Variants in SGO1 observed in about 807,000 individuals in gnomAD.
The protein encoded by SGO1 is shugoshin 1.
Under a neutral mutation model 50.5 loss-of-function variants are expected in SGO1, and 39 were observed. That is an observed-to-expected ratio of 0.77 (90% confidence interval 0.60 to 1.01). The LOEUF is 1.01. SGO1 is among the 50% of genes least tolerant of loss of function. SGO1 has a pLI of 0.00. For synonymous variants in SGO1, 191 were observed against 205.1 expected (o/e 0.93, Z 0.59); for missense variants, 638 against 606.0 (o/e 1.05, Z -0.55).
rs1474920471 is a variant in SGO1 at position 20,174,675 on chromosome 3, C to G, written c.856G>C (p.Asp286His). Residue 286 changes from aspartate to histidine, a missense_variant, in exon 6 of 8, where the codon GAT becomes CAT. By Grantham distance (81) the Asp-to-His change is moderately conservative. Transcript: ENST00000412997. ...KSEQTKSKQR[D>H]TQERKREEKR... Reference sequence around the variant, plus strand: ...TCTTCTCTTTTTCTTTCTTGTGTATCTCTTTGCTTACTTTTAGTTTGTTCA... The same window carrying G: ...TCTTCTCTTTTTCTTTCTTGTGTATGTCTTTGCTTACTTTTAGTTTGTTCA... 1.2e-6 allele frequency: 2 copies of G among 1,609,962 alleles called. No individual in the cohort carries two copies. Among genetic ancestry groups the G allele is most frequent in the African/African-American group, 1.3e-5 (1 of 74,500 alleles).
intron 3 of SGO1, among the ~76,000 whole-genome samples, chr3:20,181,438 G>A (rs1176012455): frequency 6.6e-6 from 1 of 152,180 alleles, no homozygotes; most frequent in Non-Finnish European, 1.5e-5. Flanking sequence ...GATAAGCACT[G>A]AAGCACGGGT....
In SGO1 at chr3:20,170,798, TC is replaced by T; in HGVS notation, c.1489del (p.Asp497ThrfsTer9). On this transcript the variant is annotated frameshift_variant, in exon 8 of 8. Transcript: ENST00000412997. LOFTEE classifies it high-confidence loss of function. ...CAAAAAACACAAATCTGTAAAAGGG[TC>T]CCCTCTTCTCAGTTTCCTGTAAGAG... ...PTLASKLRRGDPFTDLCFLNS... is the reference protein window; with the variant it reads ...PTLASKLRRGXPFTDLCFLNS... 1 of 1,593,732 alleles carries T rather than the reference TC, an allele frequency of 6.3e-7. No individual in the cohort carries two copies. The highest frequency in any genetic ancestry group is 1.4e-5 in the African/African-American group (1 of 73,380).
intron 4 of SGO1, 55 bp from the exon 5 acceptor site, chr3:20,176,714 T>C (rs1405923006): frequency 6.0e-6 from 7 of 1,158,880 alleles, no homozygotes; most frequent in Non-Finnish European, 8.6e-6. Context: ...TAAAAACAAA[T>C]TCAGTATTTT....
At chr3:20,164,082 G>C (rs942417303) in intron 8 of SGO1, among the ~76,000 whole-genome samples, 3 of 152,118 alleles carry the variant, frequency 2.0e-5, no homozygotes, top group African/African-American at 7.2e-5. Context: ...CCTTTTATGA[G>C]GCTGGTATTA....
At chr3:20,183,456 G>T in intron 3 of SGO1, 152 bp downstream of exon 3, 1 of 617,610 alleles carries the variant, frequency 1.6e-6, no homozygotes, top group Non-Finnish European at 2.6e-6. Context: ...ATGGCCAAAT[G>T]CAATAGCTAT....
At chr3:20,182,951 G>A (rs546574041) in intron 3 of SGO1, among the ~76,000 whole-genome samples, 15 of 152,142 alleles carry the variant, frequency 9.9e-5, no homozygotes, top group African/African-American at 3.4e-4. Flanking sequence ...CCAGGAGGCC[G>A]AGCTTGCAGT....
chr3:20,184,760 T>A lies in SGO1; in HGVS notation c.-7-726A>T, dbSNP rs75888568. On this transcript the variant is annotated intron_variant, in intron 1 of 7. Coordinates refer to ENST00000412997, the MANE Select transcript of SGO1 (RefSeq NM_001199251.3). Reference sequence around the variant, plus strand: ...AATTATGAACATAACAAATCAGACATTAAATATTGTTGTACATACAGTTAA... The same window carrying A: ...AATTATGAACATAACAAATCAGACAATAAATATTGTTGTACATACAGTTAA... Among the ~76,000 whole-genome samples, 4 of 152,288 alleles carry A rather than the reference T, an allele frequency of 2.6e-5. No individual in the cohort carries two copies. In the East Asian group the frequency reaches 7.7e-4, roughly 29 times the overall value.
At chr3:20,180,491 G>A (rs1315505187) in intron 3 of SGO1, among the ~76,000 whole-genome samples, 2 of 152,164 alleles carry the variant, frequency 1.3e-5, no homozygotes, top group Non-Finnish European at 2.9e-5. Context: ...TGATCCAGTG[G>A]AGAGGGGGAT....
chr3:20,174,216 T>C, intron 6 of SGO1, 33 bp downstream of exon 6: 1 of 1,518,762 alleles, frequency 6.6e-7, no homozygotes, highest in Non-Finnish European at 9.1e-7. Flanking sequence ...ATCACGAACA[T>C]TAAAAATACA....
Position 20,170,583 on chromosome 3 carries a change from G to C in SGO1, c.*121C>G, listed in dbSNP as rs1040712084. 1 of 1,354,240 alleles carries C rather than the reference G, an allele frequency of 7.4e-7. No individual in the cohort carries two copies. Among genetic ancestry groups the C allele is most frequent in the Middle Eastern group, 2.7e-4 (1 of 3,662 alleles). 83.9% of individuals were successfully genotyped at this position (1,354,240 alleles called of 1,614,324 possible). A position where few individuals can be genotyped will look rare whatever the true frequency, so the allele number is the denominator to read the frequency against. ...GTTCTGAAGAAATGTTTATGAGCTA[G>C]GGTCCTGTCAAGAGAATATTCTATG... On this transcript the variant is annotated 3_prime_UTR_variant, in exon 8 of 8. Transcript: ENST00000412997.
intron 8 of SGO1, among the ~76,000 whole-genome samples, chr3:20,163,562 T>C (rs1378238563): frequency 6.6e-6 from 1 of 152,218 alleles, no homozygotes; most frequent in Non-Finnish European, 1.5e-5. Flanking sequence ...TAAATGGAAA[T>C]ATAGTACTAC....
intron 5 of SGO1, among the ~76,000 whole-genome samples, chr3:20,175,681 C>T (rs1701304444): frequency 1.3e-5 from 2 of 151,802 alleles, no homozygotes; most frequent in Non-Finnish European, 2.9e-5. Flanking sequence ...TGCCTGTAGT[C>T]CCAACTACTC....
In SGO1 at chr3:20,186,203, A is replaced by T. The variant is rs145702873; in HGVS notation, c.-263T>A. The stretch of plus-strand genomic sequence containing the variant: ...CGTCGCCTGGAACTACCGCCGCCAC[A>T]TTCGAAATTTTCCGCCTCGCTCCTC... On this transcript the variant is annotated 5_prime_UTR_variant, in exon 1 of 8. It removes an upstream start codon present in the reference 5' UTR. Transcript: ENST00000412997. The T allele has an allele frequency of 1.3e-5, 2 of 152,540 alleles. No homozygotes were observed. The highest frequency in any genetic ancestry group is 2.9e-5 in the Non-Finnish European group (2 of 68,220). 9.4% of individuals were successfully genotyped at this position (152,540 alleles called of 1,614,324 possible).
At chr3:20,170,924 A>C (rs936301027) in intron 7 of SGO1, 109 bp from the exon 8 acceptor site, 20 of 1,477,158 alleles carry the variant, frequency 1.4e-5, no homozygotes, top group Non-Finnish European at 1.8e-5. Flanking sequence ...TTCTCACTTC[A>C]GTTTTTTTAA....
chr3:20,167,459 G>C (rs1357437603), downstream of SGO1, among the ~76,000 whole-genome samples: 1 of 152,158 alleles, frequency 6.6e-6, no homozygotes, highest in East Asian at 1.9e-4. Context: ...AAAAGGAATA[G>C]TGTGTAGACT....
At chr3:20,161,478 T>C (rs1700036752) in intron 8 of SGO1, among the ~76,000 whole-genome samples, 1 of 151,944 alleles carries the variant, frequency 6.6e-6, no homozygotes, top group African/African-American at 2.4e-5. Flanking sequence ...ATAGAATGAG[T>C]GAACTGGAAG....
intron 7 of SGO1, 113 bp downstream of exon 7, chr3:20,170,930 T>A: frequency 6.8e-7 from 1 of 1,479,600 alleles, no homozygotes; most frequent in Non-Finnish European, 9.1e-7. Context: ...CTTCAGTTTT[T>A]TTAAATCAAA....
Position 20,171,136 on chromosome 3 carries a change from A to T in SGO1, c.1379T>A (p.Leu460His). The T allele has an allele frequency of 6.2e-7, 1 of 1,613,342 alleles. No individual in the cohort carries two copies. The highest frequency in any genetic ancestry group is 8.5e-7 in the Non-Finnish European group (1 of 1,179,740). ...GCTTGCTTTATTCTTTTTTGGAGAA[A>T]GAGAAAGTCTTCTGATTTTCACAAC... ...YPVVKIRRLS[L>H]SPKKNKASPA... Residue 460 changes from leucine (L) to histidine (H), a missense_variant, in exon 7 of 8, where the codon CTT becomes CAT. Transcript: ENST00000412997.
intron 6 of SGO1, among the ~76,000 whole-genome samples, chr3:20,172,416 G>T (rs898233394): frequency 1.3e-5 from 2 of 150,504 alleles, no homozygotes; most frequent in Non-Finnish European, 2.9e-5. Flanking sequence ...CAGGAGAATC[G>T]CTTGAACCCA....
Sources: allele counts gnomAD v4.1 joint callset (sites outside exome capture counted in the v4.1 genomes callset), GRCh38; gene constraint gnomAD v4.1.1; transcripts MANE v1.5; gene names NCBI Gene and HGNC (gene_info 2026-07-23, HGNC 2026-07-21).